The following ADAMTSL2 variants were observed in gnomAD, a reference collection of about 807,000 sequenced individuals.
The protein encoded by ADAMTSL2 is ADAMTS like 2.
Under a neutral mutation model 117.0 loss-of-function variants are expected in ADAMTSL2, and 55 were observed. That is an observed-to-expected ratio of 0.47 (90% CI 0.38 to 0.59). ADAMTSL2 has a LOEUF of 0.59. Among genes scored for constraint, ADAMTSL2 ranks in the 20% least tolerant of loss-of-function variants. The probability of loss-of-function intolerance (pLI) is 0.00; values close to 1 mark genes in which losing one functional copy is unlikely to be tolerated. For missense variants in ADAMTSL2, 1,182 were observed against 1,354.5 expected (o/e 0.87, Z 2.00); for synonymous variants, 572 against 566.4 (o/e 1.01, Z -0.14).
At chr9:133,541,513 T>G (rs907293134) in intron 7 of ADAMTSL2, among the ~76,000 whole-genome samples, 1 of 152,158 alleles carries the variant, frequency 6.6e-6, no homozygotes, top group African/African-American at 2.4e-5. Context: ...GGTTTCGAAC[T>G]CCTGACCTCG....
chr9:133,553,111 T>C (rs1351981852), intron 9 of ADAMTSL2, among the ~76,000 whole-genome samples: 5 of 152,210 alleles, frequency 3.3e-5, no homozygotes, highest in African/African-American at 1.2e-4. Context: ...GGCAGAGGTC[T>C]CTGTGTCGTC....
chr9:133,547,323 G>C, intron 9 of ADAMTSL2, 110 bp downstream of exon 9: 1 of 1,106,428 alleles, frequency 9.0e-7, no homozygotes, highest in South Asian at 1.5e-5. Context: ...GCCACTGTGC[G>C]CGTGCACCCG....
At chr9:133,563,838 AG>A (rs1830813590) in intron 12 of ADAMTSL2, among the ~76,000 whole-genome samples, 2 of 42,862 alleles carry the variant, frequency 4.7e-5, no homozygotes, top group Admixed American at 2.2e-4. Flanking sequence ...AGAGAGAGAG[AG>A]AGAGGGAGAG....
chr9:133,541,060 G>C, intron 7 of ADAMTSL2, 59 bp downstream of exon 7: 1 of 1,576,294 alleles, frequency 6.3e-7, no homozygotes, highest in East Asian at 2.4e-5. Flanking sequence ...CGGGGGTCCT[G>C]AGTGTGCTCC....
At chr9:133,559,072 A>C (rs1339859843) in intron 11 of ADAMTSL2, among the ~76,000 whole-genome samples, 6 of 152,102 alleles carry the variant, frequency 3.9e-5, no homozygotes, top group Non-Finnish European at 8.8e-5. Flanking sequence ...GAGCGTCTCC[A>C]TGGGTGGGGT....
chr9:133,539,423 T>A (rs1047213225), intron 4 of ADAMTSL2, among the ~76,000 whole-genome samples: 1 of 152,220 alleles, frequency 6.6e-6, no homozygotes, highest in South Asian at 2.1e-4. Flanking sequence ...AGTCAGGGCC[T>A]GCTGAGGACA....
rs1322986224 is a variant in ADAMTSL2 at position 133,538,345 on chromosome 9, C to A, written c.234-4C>A. ...CTCACTCCGAGCCTGCATCTTTCTG[C>A]CAGGAGGAAGTCCGTCCCGGGCCCC... On this transcript the variant is annotated splice_polypyrimidine_tract_variant and splice_region_variant and intron_variant, in intron 3 of 18. Coordinates refer to ENST00000651351, the MANE Select transcript of ADAMTSL2 (RefSeq NM_014694.4). 3 of 1,613,418 alleles carry A rather than the reference C, an allele frequency of 1.9e-6. No individual in the cohort carries two copies. Among genetic ancestry groups the A allele is most frequent in the Non-Finnish European group, 1.7e-6 (2 of 1,180,024 alleles).
At chr9:133,570,566 G>GCCCCTC in intron 17 of ADAMTSL2, 59 bp downstream of exon 17, 1 of 1,543,842 alleles carries the variant, frequency 6.5e-7, no homozygotes, top group South Asian at 1.2e-5. Flanking sequence ...TGTCGATCCC[G>GCCCCTC]CCCCTCCCGC....
At chr9:133,548,164 A>G (rs1376855279) in intron 9 of ADAMTSL2, among the ~76,000 whole-genome samples, 2 of 152,256 alleles carry the variant, frequency 1.3e-5, no homozygotes, top group East Asian at 3.9e-4. Context: ...AAATGTGGGC[A>G]CAGAGCGAGT....
chr9:133,533,624 A>C (rs1008226788), upstream of ADAMTSL2, among the ~76,000 whole-genome samples: 3 of 152,156 alleles, frequency 2.0e-5, no homozygotes, highest in African/African-American at 7.2e-5. Flanking sequence ...TTTCCTTCCC[A>C]GCCTTTCTGG....
At chr9:133,561,175 T>C in intron 11 of ADAMTSL2, 23 bp from the exon 12 acceptor site, 1 of 1,584,396 alleles carries the variant, frequency 6.3e-7, no homozygotes, top group South Asian at 1.1e-5. Flanking sequence ...CTCATCACCT[T>C]CCCTGCTTGG....
At chr9:133,572,270 G>A (rs1285797347) in intron 17 of ADAMTSL2, among the ~76,000 whole-genome samples, 2 of 150,630 alleles carry the variant, frequency 1.3e-5, no homozygotes, top group Admixed American at 1.3e-4. Flanking sequence ...ATTCCCTGTT[G>A]CCCACCAAAG....
intron 1 of ADAMTSL2, among the ~76,000 whole-genome samples, chr9:133,535,420 C>G (rs951517539): frequency 6.6e-6 from 1 of 151,944 alleles, no homozygotes; most frequent in Admixed American, 6.5e-5. Flanking sequence ...CTCAGGCTCC[C>G]CACTCCAGGG....
At position 133,565,874 on chromosome 9, in the gene ADAMTSL2, C is replaced by CACACAT. The variant is rs1412659047; in HGVS notation, c.1748-1061_1748-1060insCACATA. On this transcript the variant is annotated intron_variant, in intron 12 of 18. Transcript: ENST00000651351. ...ACACACACACACACACACACACACA[C>CACACAT]AGCCACAGCAGAAGCAGCAAACCCT... is the stretch of plus-strand genomic sequence containing the variant. Among the ~76,000 whole-genome samples, 1,424 of 151,944 alleles carry CACACAT rather than the reference C, an allele frequency of 9.4e-3. 11 individuals carry two copies. The highest frequency in any genetic ancestry group is 0.052 in the Middle Eastern group (15 of 290).
chr9:133,539,665 G>GCTGTCCCGGCTGTCCCGA, intron 4 of ADAMTSL2, 106 bp from the exon 5 acceptor site: 2 of 1,136,932 alleles, frequency 1.8e-6, no homozygotes, highest in Non-Finnish European at 2.5e-6. Flanking sequence ...GGCTGTCCCG[G>GCTGTCCCGGCTGTCCCGA]CTGTCCCGGC....
intron 9 of ADAMTSL2, among the ~76,000 whole-genome samples, chr9:133,553,473 A>G (rs1830533615): frequency 1.3e-5 from 2 of 152,158 alleles, no homozygotes; most frequent in African/African-American, 2.4e-5. Flanking sequence ...AACCTCTGCA[A>G]GTTTTTAACC....
intron 9 of ADAMTSL2, among the ~76,000 whole-genome samples, chr9:133,547,598 C>T (rs117623774): frequency 0.031 from 4,647 of 152,342 alleles, 109 homozygotes; most frequent in Admixed American, 0.04. Flanking sequence ...GCGGGGGTTC[C>T]GTGCTGGCCC....
At chr9:133,549,698 T>C (rs1830438657) in intron 9 of ADAMTSL2, among the ~76,000 whole-genome samples, 1 of 152,102 alleles carries the variant, frequency 6.6e-6, no homozygotes, top group Non-Finnish European at 1.5e-5. Flanking sequence ...CTGCTCTTGA[T>C]GATCAAGTTC....
chr9:133,560,863 CTGCGTGTG>C (rs1466294059), intron 11 of ADAMTSL2, among the ~76,000 whole-genome samples: 2 of 152,212 alleles, frequency 1.3e-5, no homozygotes, highest in Non-Finnish European at 2.9e-5. Context: ...ATTGAGAAGC[CTGCGTGTG>C]TGCAGGGAGC....
Sources: allele counts gnomAD v4.1 joint callset (sites outside exome capture counted in the v4.1 genomes callset), GRCh38; gene constraint gnomAD v4.1.1; transcripts MANE v1.5; gene names NCBI Gene and HGNC (gene_info 2026-07-23, HGNC 2026-07-21).